Variants in REEP3 observed in about 807,000 individuals in gnomAD.
REEP3 encodes the protein receptor accessory protein 3.
A neutral mutation model predicts 41.3 loss-of-function variants in REEP3; 20 were observed. The observed-to-expected ratio is 0.48, with a 90% CI of 0.34 to 0.70. The LOEUF (loss-of-function observed/expected upper bound fraction) is 0.70. Among genes scored for constraint, REEP3 ranks in the 30% least tolerant of loss-of-function variants. The pLI, the probability that REEP3 is intolerant of heterozygous loss-of-function variation, is 0.01. For missense variants in REEP3, 271 were observed against 308.8 expected (o/e 0.88, Z 0.92); for synonymous variants, 104 against 101.8 (o/e 1.02, Z -0.13).
At chr10:63,578,202 C>T (rs879713430) in intron 2 of REEP3, among the ~76,000 whole-genome samples, 9 of 152,218 alleles carry the variant, frequency 5.9e-5, no homozygotes, top group East Asian at 3.9e-4. Context: ...CAGGTTCAAG[C>T]GATTCTCTTG....
At chr10:63,563,709 G>A (rs1955767475) in intron 1 of REEP3, among the ~76,000 whole-genome samples, 1 of 145,984 alleles carries the variant, frequency 6.9e-6, no homozygotes, top group Non-Finnish European at 1.5e-5. Flanking sequence ...GTACTAAAAA[G>A]TGGACAAAAA....
At chr10:63,591,969 G>A (rs1956068358) in intron 2 of REEP3, among the ~76,000 whole-genome samples, 1 of 152,304 alleles carries the variant, frequency 6.6e-6, no homozygotes, top group African/African-American at 2.4e-5. Flanking sequence ...TAATGAAAAC[G>A]TGAAATAATG....
rs528745134 is a variant in REEP3 at position 63,595,838 on chromosome 10, G to A, written c.182+984G>A. Reference sequence around the variant, plus strand: ...GGTGATCTGCCTGCCTCGGTCTCCCGAAGTGCTGGGATTGCAGGCATCAGC... The same window carrying A: ...GGTGATCTGCCTGCCTCGGTCTCCCAAAGTGCTGGGATTGCAGGCATCAGC... On this transcript the variant is annotated intron_variant, in intron 3 of 7. Transcript: ENST00000373758. Among the ~76,000 whole-genome samples the A allele has an allele frequency of 3.5e-3, 528 of 152,282 alleles. 2 individuals carry two copies. The highest frequency in any genetic ancestry group is 4.0e-3 in the Non-Finnish European group (271 of 68,012).
chr10:63,539,260 T>TTATGTTTATTA (rs1955504292), intron 1 of REEP3, among the ~76,000 whole-genome samples: 1 of 152,140 alleles, frequency 6.6e-6, no homozygotes, highest in Non-Finnish European at 1.5e-5. Flanking sequence ...TTTATTAGGG[T>TTATGTTTATTA]CTTATGTTTT....
At chr10:63,528,836 C>T (rs1467470992) in intron 1 of REEP3, among the ~76,000 whole-genome samples, 1 of 152,204 alleles carries the variant, frequency 6.6e-6, no homozygotes, top group East Asian at 1.9e-4. Flanking sequence ...GCCTCATTCC[C>T]TCGCTTCCTT....
chr10:63,525,487 T>C (rs1305543199), intron 1 of REEP3, among the ~76,000 whole-genome samples: 1 of 152,150 alleles, frequency 6.6e-6, no homozygotes, highest in Non-Finnish European at 1.5e-5. Flanking sequence ...GGCACAATCT[T>C]GGCTTACTGC....
chr10:63,545,439 G>C lies in REEP3; in HGVS notation c.33-20899G>C, dbSNP rs868423079. On this transcript the variant is annotated intron_variant, in intron 1 of 7. Coordinates refer to ENST00000373758, the MANE Select transcript of REEP3 (RefSeq NM_001001330.3). ...TGCCAGGCTGGAGTGCAGTGGTGCG[G>C]TCTCGGCTCACTGCAACCTCCGCCT... is the stretch of plus-strand genomic sequence containing the variant. Among the ~76,000 whole-genome samples, 5 of 151,530 alleles carry C rather than the reference G, an allele frequency of 3.3e-5. 1 individual carries two copies. In the Middle Eastern group the frequency reaches 0.017, roughly 519 times the overall value.
intron 5 of REEP3, among the ~76,000 whole-genome samples, chr10:63,600,721 A>G (rs1956164602): frequency 6.6e-6 from 1 of 152,254 alleles, no homozygotes; most frequent in South Asian, 2.1e-4. Flanking sequence ...ACTGAAGGAT[A>G]TGAATCTTCA....
Position 63,610,345 on chromosome 10 carries a change from G to A in REEP3, c.565+11G>A, listed in dbSNP as rs1317602823. 6 of 1,550,954 alleles carry A rather than the reference G, an allele frequency of 3.9e-6. No homozygotes were observed. The South Asian group carries it at 6.0e-5, about 15-fold the overall frequency. ...CCAGTGAATCAGCAGGTGTGCTTGTGTGTTTTAATATACGGTTCTTTTACA... is the reference window on the plus strand; with the variant it reads ...CCAGTGAATCAGCAGGTGTGCTTGTATGTTTTAATATACGGTTCTTTTACA... On this transcript the variant is annotated intron_variant, in intron 6 of 7. Coordinates refer to ENST00000373758, the MANE Select transcript of REEP3 (RefSeq NM_001001330.3).
intron 2 of REEP3, among the ~76,000 whole-genome samples, chr10:63,571,641 C>G (rs185972637): frequency 6.6e-6 from 1 of 152,300 alleles, no homozygotes; most frequent in African/African-American, 2.4e-5. Flanking sequence ...TCATCTGCAA[C>G]CTTATTTCTC....
intron 1 of REEP3, among the ~76,000 whole-genome samples, chr10:63,541,470 G>A (rs1485384304): frequency 6.6e-6 from 1 of 152,232 alleles, no homozygotes; most frequent in Admixed American, 6.5e-5. Flanking sequence ...CAGTACAAAA[G>A]GATAAAGTTT....
chr10:63,530,514 G>C (rs749651193), intron 1 of REEP3, among the ~76,000 whole-genome samples: 1 of 152,164 alleles, frequency 6.6e-6, no homozygotes, highest in Non-Finnish European at 1.5e-5. Context: ...TGCCCTGTAA[G>C]AGGTCATCTT....
At chr10:63,567,363 A>G (rs2133376616) in intron 2 of REEP3, among the ~76,000 whole-genome samples, 1 of 152,300 alleles carries the variant, frequency 6.6e-6, no homozygotes, top group Admixed American at 6.5e-5. Context: ...GTTGCTGACA[A>G]CCACCAACCT....
At chr10:63,545,218 A>G (rs1955565821) in intron 1 of REEP3, among the ~76,000 whole-genome samples, 1 of 152,244 alleles carries the variant, frequency 6.6e-6, no homozygotes, top group African/African-American at 2.4e-5. Context: ...CATATAACAT[A>G]CAGTGAACAG....
chr10:63,594,364 G>A (rs771266791), intron 2 of REEP3, among the ~76,000 whole-genome samples: 1 of 152,228 alleles, frequency 6.6e-6, no homozygotes, highest in Non-Finnish European at 1.5e-5. Context: ...CTGCACTTCA[G>A]CGTACCCTGT....
chr10:63,614,674 G>A (rs1956299737), intron 6 of REEP3, among the ~76,000 whole-genome samples: 1 of 152,198 alleles, frequency 6.6e-6, no homozygotes, highest in Admixed American at 6.5e-5. Flanking sequence ...GCGATTTGTT[G>A]AGGCAAGTAC....
intron 2 of REEP3, among the ~76,000 whole-genome samples, chr10:63,589,267 C>A (rs895734365): frequency 1.3e-5 from 2 of 152,170 alleles, no homozygotes; most frequent in Non-Finnish European, 1.5e-5. Flanking sequence ...AAAATGATTT[C>A]TATTCTGGGT....
intron 2 of REEP3, among the ~76,000 whole-genome samples, chr10:63,589,638 A>G (rs1296019707): frequency 6.6e-6 from 1 of 152,112 alleles, no homozygotes; most frequent in Admixed American, 6.6e-5. Flanking sequence ...TGGCTTGCTC[A>G]GGGGCACGCC....
intron 6 of REEP3, among the ~76,000 whole-genome samples, chr10:63,616,064 A>G (rs1956309954): frequency 6.6e-6 from 1 of 152,130 alleles, no homozygotes; most frequent in Non-Finnish European, 1.5e-5. Flanking sequence ...TGCTTAAAAC[A>G]TTTCAATACT....
Sources: allele counts gnomAD v4.1 joint callset (sites outside exome capture counted in the v4.1 genomes callset), GRCh38; gene constraint gnomAD v4.1.1; transcripts MANE v1.5; gene names NCBI Gene and HGNC (gene_info 2026-07-23, HGNC 2026-07-21).